Variants in XG observed in about 807,000 individuals in gnomAD.
XG encodes Xg glycoprotein (Xg blood group).
In XG, 24 loss-of-function variants were observed where a neutral mutation model predicts 25.7. The ratio of observed to expected loss-of-function variants is 0.93; its 90% CI spans 0.68 to 1.31. The LOEUF (loss-of-function observed/expected upper bound fraction) is 1.31, where lower values mean the gene tolerates loss of function less well. Among genes scored for constraint, XG ranks in the 40% most tolerant of loss-of-function variants. XG has a pLI of 0.00. For missense variants in XG, 181 were observed against 187.6 expected (o/e 0.96, Z 0.21); for synonymous variants, 77 against 69.2 (o/e 1.11, Z -0.56).
Position 2,770,017 on chromosome X carries a change from G to C in XG, c.62-533G>C, listed in dbSNP as rs868579518. ...CTCAACCTAGACTCTGTGCGTGTGT[G>C]GAGGGGTGGGGGGGGCGTTGGGGGG... On this transcript the variant is annotated intron_variant, in intron 1 of 10. Transcript: ENST00000644266. Among the ~76,000 whole-genome samples the C allele has an allele frequency of 4.0e-3, 466 of 117,496 alleles. 4 individuals are homozygous for C. The highest frequency in any genetic ancestry group is 0.013 in the African/African-American group (452 of 35,386). 77.1% of individuals were successfully genotyped at this position (117,496 alleles called of 152,430 possible). A position where few individuals can be genotyped will look rare whatever the true frequency, so the allele number is the denominator to read the frequency against.
chrX:2,804,919 G>C (rs1422875700), intron 7 of XG, among the ~76,000 whole-genome samples: 1 of 112,542 alleles, frequency 8.9e-6, no homozygotes, highest in Admixed American at 9.4e-5. Context: ...AGAACATCAG[G>C]CGTGCATGAG....
intron 1 of XG, among the ~76,000 whole-genome samples, chrX:2,768,219 T>G (rs2050740710): frequency 6.6e-6 from 1 of 152,114 alleles, no homozygotes; most frequent in Admixed American, 6.5e-5. Context: ...AAGTGGTTGC[T>G]GAGGGGATGC....
At chrX:2,767,274 G>T (rs1042838979) in intron 1 of XG, among the ~76,000 whole-genome samples, 17 of 152,036 alleles carry the variant, frequency 1.1e-4, no homozygotes, top group Non-Finnish European at 2.1e-4. Context: ...GTATCACATG[G>T]CTTTGCTCCG....
At chrX:2,757,143 C>A (rs2050453618) in intron 1 of XG, among the ~76,000 whole-genome samples, 1 of 152,184 alleles carries the variant, frequency 6.6e-6, no homozygotes, top group Admixed American at 6.5e-5. Context: ...TGCGGCTAAT[C>A]TCTTCTCCAA....
rs545412274 is a variant in XG at position 2,754,520 on chromosome X, G to A, written c.61+2185G>A. 1.4e-4 allele frequency among the ~76,000 whole-genome samples: 21 copies of A among 152,294 alleles called. No homozygotes were observed. In the South Asian group the frequency reaches 4.4e-3, roughly 32 times the overall value. On this transcript the variant is annotated intron_variant, in intron 1 of 10. Transcript: ENST00000644266. ...TGCCTGATGTCATTTTACAGATGGT[G>A]TATTAGTCAGGGTTCTCTAGAGGGA...
chrX:2,806,589 G>A, intron 7 of XG, 112 bp from the exon 8 acceptor site: 3 of 666,576 alleles, frequency 4.5e-6, no homozygotes, highest in Non-Finnish European at 6.8e-6. Context: ...TGGAATCTCT[G>A]CAGCTTTTAA....
intron 1 of XG, among the ~76,000 whole-genome samples, chrX:2,766,198 T>A (rs778897598): frequency 6.6e-6 from 1 of 152,296 alleles, no homozygotes; most frequent in East Asian, 1.9e-4. Flanking sequence ...TGGAGTGCAG[T>A]GGCACAGTCT....
Position 2,815,349 on chromosome X carries a change from T to C in XG, c.*969T>C, listed in dbSNP as rs1307518142. On this transcript the variant is annotated 3_prime_UTR_variant, in exon 11 of 11. Coordinates refer to ENST00000644266, the MANE Select transcript of XG (RefSeq NM_001141919.2). ...GCATATTGGTATAGTTTGAGTAAAC[T>C]AAGGTTAATGTTCATATAACATTTA... 6 of 111,944 alleles carry C rather than the reference T, an allele frequency of 5.4e-5. No homozygotes were observed. The highest frequency in any genetic ancestry group is 1.1e-4 in the Non-Finnish European group (6 of 53,210). The allele number at this position is 111,944 out of a possible 1,213,427, so 9.2% of individuals were successfully genotyped here.
chrX:2,770,095 A>G (rs1371175992), intron 1 of XG, among the ~76,000 whole-genome samples: 4 of 151,576 alleles, frequency 2.6e-5, no homozygotes, highest in Admixed American at 2.0e-4. Flanking sequence ...AGAGAAGTCT[A>G]TGTGCTTGGA....
intron 5 of XG, among the ~76,000 whole-genome samples, chrX:2,790,414 C>T (rs184967870): frequency 2.8e-5 from 3 of 108,461 alleles, no homozygotes; most frequent in East Asian, 2.9e-4. Flanking sequence ...GCAGGAGAAT[C>T]GCTTGAACCC....
chrX:2,759,268 C>G (rs1049946203), intron 1 of XG, among the ~76,000 whole-genome samples: 1 of 152,172 alleles, frequency 6.6e-6, no homozygotes. Flanking sequence ...CAGAGAGTTA[C>G]GCAGCCCCAA....
At chrX:2,780,439 A>T (rs1356841987) in intron 3 of XG, among the ~76,000 whole-genome samples, 2 of 148,294 alleles carry the variant, frequency 1.3e-5, no homozygotes, top group African/African-American at 2.5e-5. Flanking sequence ...AAAAAAAAAA[A>T]GTCAATTAGG....
intron 1 of XG, among the ~76,000 whole-genome samples, chrX:2,766,666 G>C (rs1056373003): frequency 2.1e-5 from 3 of 143,226 alleles, no homozygotes; most frequent in African/African-American, 7.8e-5. Flanking sequence ...CCGGGTTCAC[G>C]CCATTCTCCT....
intron 3 of XG, among the ~76,000 whole-genome samples, chrX:2,780,185 A>G (rs149560378): frequency 0.014 from 2,143 of 152,148 alleles, 45 homozygotes; most frequent in African/African-American, 0.048. Context: ...GGATGGTGAA[A>G]AAAAGAAAAG....
At chrX:2,770,022 GGT>G (rs1464382951) in intron 1 of XG, among the ~76,000 whole-genome samples, 2,854 of 144,826 alleles carry the variant, frequency 0.02, 80 homozygotes, top group African/African-American at 0.027. Context: ...TGTGTGGAGG[GGT>G]GGGGGGGGCG....
chrX:2,773,469 G>C (rs1009053756), intron 2 of XG, among the ~76,000 whole-genome samples: 1 of 139,846 alleles, frequency 7.2e-6, no homozygotes, highest in Non-Finnish European at 1.6e-5. Context: ...GAAGAAGGGG[G>C]AAAAGGAGAG....
chrX:2,769,662 C>A (rs1254454200), intron 1 of XG, among the ~76,000 whole-genome samples: 1 of 152,102 alleles, frequency 6.6e-6, no homozygotes, highest in East Asian at 1.9e-4. Context: ...CAAGAGGGAC[C>A]CTTCACCCTC....
At chrX:2,776,794 G>A (rs1471105290) in intron 3 of XG, among the ~76,000 whole-genome samples, 1 of 151,492 alleles carries the variant, frequency 6.6e-6, no homozygotes, top group Admixed American at 6.6e-5. Flanking sequence ...CTTGCAGTGA[G>A]CCGAGATCTC....
intron 5 of XG, among the ~76,000 whole-genome samples, chrX:2,792,332 C>CT (rs2086844524): frequency 9.1e-6 from 1 of 109,749 alleles, no homozygotes; most frequent in Non-Finnish European, 1.9e-5. Context: ...GGAAACATCC[C>CT]TTTTTTATTA....
Sources: allele counts gnomAD v4.1 joint callset (sites outside exome capture counted in the v4.1 genomes callset), GRCh38; gene constraint gnomAD v4.1.1; transcripts MANE v1.5; gene names NCBI Gene and HGNC (gene_info 2026-07-23, HGNC 2026-07-21).